The following NKAIN2 variants were observed in gnomAD, a reference collection of about 807,000 sequenced individuals.
The protein encoded by NKAIN2 is sodium/potassium-transporting ATPase subunit beta-1-interacting protein 2.
A neutral mutation model predicts 32.6 loss-of-function variants in NKAIN2; 14 were observed. The ratio of observed to expected loss-of-function variants is 0.43; its 90% CI spans 0.28 to 0.67. The LOEUF (loss-of-function observed/expected upper bound fraction) is 0.67, where lower values mean the gene tolerates loss of function less well. Ranked by LOEUF, NKAIN2 falls within the 30% of genes least tolerant of loss-of-function variation. NKAIN2 has a pLI of 0.17. For missense variants in NKAIN2, 198 were observed against 258.3 expected (o/e 0.77, Z 1.60); for synonymous variants, 80 against 87.2 (o/e 0.92, Z 0.46).
At position 124,547,079 on chromosome 6, in the gene NKAIN2, G is replaced by GT. The variant is rs527835748; in HGVS notation, c.274-111097dup. On this transcript the variant is annotated intron_variant, in intron 3 of 6. Transcript: ENST00000368417. ...AGAACTACTATAAATGAACATCAAG[G>GT]TTTTTTTTTTCACATTTCCTTTGGA... is the stretch of plus-strand genomic sequence containing the variant. Among the ~76,000 whole-genome samples, 87 of 148,826 alleles carry GT rather than the reference G, an allele frequency of 5.8e-4. 1 individual carries two copies. The East Asian group carries it at 7.9e-3, about 13-fold the overall frequency.
At chr6:124,289,822 G>C (rs1795719102) in intron 2 of NKAIN2, among the ~76,000 whole-genome samples, 1 of 152,076 alleles carries the variant, frequency 6.6e-6, no homozygotes, top group Non-Finnish European at 1.5e-5. Context: ...CTATGTTCAA[G>C]TAGTTGTTTT....
intron 1 of NKAIN2, among the ~76,000 whole-genome samples, chr6:123,944,170 T>C (rs1776959369): frequency 6.6e-6 from 1 of 152,010 alleles, no homozygotes; most frequent in African/African-American, 2.4e-5. Context: ...ACTTCTGGAG[T>C]GCCTTTCTTA....
intron 3 of NKAIN2, among the ~76,000 whole-genome samples, chr6:124,464,258 G>A (rs979693222): frequency 3.3e-5 from 5 of 152,050 alleles, no homozygotes; most frequent in Non-Finnish European, 4.4e-5. Context: ...GAAGTGCTGG[G>A]ATTACATGTG....
chr6:124,240,488 A>T (rs1023050253), intron 1 of NKAIN2, among the ~76,000 whole-genome samples: 1 of 152,152 alleles, frequency 6.6e-6, no homozygotes, highest in Non-Finnish European at 1.5e-5. Context: ...TCAGTGCAAA[A>T]ATCCTCAATA....
intron 1 of NKAIN2, among the ~76,000 whole-genome samples, chr6:124,087,179 G>A (rs755375708): frequency 4.0e-5 from 6 of 151,828 alleles, no homozygotes; most frequent in Non-Finnish European, 5.9e-5. Flanking sequence ...AATATCATTT[G>A]ATCATATAAA....
chr6:123,951,868 T>C (rs1240970106), intron 1 of NKAIN2, among the ~76,000 whole-genome samples: 2 of 151,980 alleles, frequency 1.3e-5, no homozygotes, highest in Non-Finnish European at 2.9e-5. Context: ...TTTATGTTTC[T>C]TTCCTTCCTT....
chr6:124,253,800 T>A (rs1352869818), intron 1 of NKAIN2, among the ~76,000 whole-genome samples: 3 of 151,830 alleles, frequency 2.0e-5, no homozygotes, highest in Non-Finnish European at 4.4e-5. Flanking sequence ...ATCTTCTCTA[T>A]AATACTCGGT....
chr6:124,680,217 A>G (rs1773550416), intron 4 of NKAIN2, among the ~76,000 whole-genome samples: 1 of 152,150 alleles, frequency 6.6e-6, no homozygotes, highest in Non-Finnish European at 1.5e-5. Flanking sequence ...ATCAATAATA[A>G]TGTTTAAAAT....
chr6:124,816,245 G>C (rs974833284), intron 5 of NKAIN2, among the ~76,000 whole-genome samples: 1 of 152,108 alleles, frequency 6.6e-6, no homozygotes, highest in Non-Finnish European at 1.5e-5. Flanking sequence ...AAATTATAAA[G>C]ACAGTAAAAA....
chr6:124,186,031 C>T (rs893311983), intron 1 of NKAIN2, among the ~76,000 whole-genome samples: 1 of 151,604 alleles, frequency 6.6e-6, no homozygotes, highest in Non-Finnish European at 1.5e-5. Flanking sequence ...CCTGTAATTC[C>T]AGTGCTTTGG....
intron 4 of NKAIN2, among the ~76,000 whole-genome samples, chr6:124,694,167 A>G (rs961790530): frequency 6.6e-6 from 1 of 151,586 alleles, no homozygotes; most frequent in Non-Finnish European, 1.5e-5. Context: ...GTGTGTGTAT[A>G]TATATTTACT....
At chr6:124,309,562 A>G (rs1158445347) in intron 2 of NKAIN2, among the ~76,000 whole-genome samples, 3 of 152,128 alleles carry the variant, frequency 2.0e-5, no homozygotes, top group Non-Finnish European at 4.4e-5. Context: ...TTAATTTAGC[A>G]TATTATTTAA....
At chr6:123,909,589 T>G (rs1225317179) in intron 1 of NKAIN2, among the ~76,000 whole-genome samples, 1 of 152,196 alleles carries the variant, frequency 6.6e-6, no homozygotes, top group East Asian at 1.9e-4. Flanking sequence ...TTCTTCTACC[T>G]AGAGCATTCT....
At chr6:124,452,889 A>G (rs890095385) in intron 3 of NKAIN2, among the ~76,000 whole-genome samples, 2 of 152,134 alleles carry the variant, frequency 1.3e-5, no homozygotes, top group Non-Finnish European at 2.9e-5. Flanking sequence ...ATCTAGGGTC[A>G]TGTTACATCT....
chr6:124,776,052 G>A (rs1365142883), intron 4 of NKAIN2, among the ~76,000 whole-genome samples: 6 of 152,132 alleles, frequency 3.9e-5, no homozygotes, highest in Admixed American at 3.3e-4. Context: ...GGCAGCTCTG[G>A]CAGAAATTAA....
At chr6:123,954,560 T>C (rs1232297890) in intron 1 of NKAIN2, among the ~76,000 whole-genome samples, 1 of 152,228 alleles carries the variant, frequency 6.6e-6, no homozygotes, top group African/African-American at 2.4e-5. Flanking sequence ...ATGATTGTAT[T>C]TGAAGTATGA....
intron 2 of NKAIN2, among the ~76,000 whole-genome samples, chr6:124,340,685 G>A (rs537316732): frequency 3.5e-4 from 53 of 152,254 alleles, no homozygotes; most frequent in Non-Finnish European, 6.5e-4. Context: ...TAAAAGTATA[G>A]TTTGGTATTT....
At chr6:123,837,392 G>T (rs1038568019) in intron 1 of NKAIN2, among the ~76,000 whole-genome samples, 13 of 147,890 alleles carry the variant, frequency 8.8e-5, no homozygotes, top group African/African-American at 3.5e-4. Context: ...CCTTCCAGTT[G>T]TTAGCAAAAA....
chr6:124,755,403 T>C (rs1164861253), intron 4 of NKAIN2, among the ~76,000 whole-genome samples: 1 of 152,086 alleles, frequency 6.6e-6, no homozygotes, highest in Non-Finnish European at 1.5e-5. Context: ...AATGTCAATC[T>C]TGTCTGGCAA....
Sources: gnomAD v4.1 joint callset for allele counts (sites outside exome capture counted in the v4.1 genomes callset) on GRCh38, gnomAD v4.1.1 for gene constraint, MANE v1.5 for transcripts, NCBI Gene and HGNC (gene_info 2026-07-23, HGNC 2026-07-21) for gene names.